LPP: variants seen among roughly 807,000 people sequenced by gnomAD.
The protein encoded by LPP is lipoma-preferred partner.
Under a neutral mutation model 60.4 loss-of-function variants are expected in LPP, and 38 were observed. That is an observed-to-expected ratio of 0.63 (90% CI 0.49 to 0.83). The LOEUF (loss-of-function observed/expected upper bound fraction) is 0.83. LPP is among the 40% of genes least tolerant of loss of function. The probability of loss-of-function intolerance (pLI) is 0.00; values close to 1 mark genes in which losing one functional copy is unlikely to be tolerated. For synonymous variants in LPP, 328 were observed against 290.8 expected, an observed-to-expected ratio of 1.13 and a Z score of -1.30; for missense variants, 902 against 783.6, an observed-to-expected ratio of 1.15 and a Z score of -1.80.
chr3:188,382,149 C>A (rs887460828), intron 3 of LPP, among the ~76,000 whole-genome samples: 1 of 152,162 alleles, frequency 6.6e-6, no homozygotes, highest in Non-Finnish European at 1.5e-5. Flanking sequence ...CGGTTTGGCA[C>A]CCAGTTCATA....
At chr3:188,221,061 A>C (rs1383839849) in intron 1 of LPP, among the ~76,000 whole-genome samples, 1 of 152,186 alleles carries the variant, frequency 6.6e-6, no homozygotes, top group Non-Finnish European at 1.5e-5. Flanking sequence ...CATGAGATAC[A>C]AGGTCTTCCA....
chr3:188,184,465 A>G (rs949203846), intron 1 of LPP, among the ~76,000 whole-genome samples: 1 of 152,208 alleles, frequency 6.6e-6, no homozygotes, highest in Non-Finnish European at 1.5e-5. Flanking sequence ...CGAAGGATGC[A>G]TTCAATGAAC....
chr3:188,622,056 A>T (rs1372405370), intron 7 of LPP, among the ~76,000 whole-genome samples: 3 of 152,192 alleles, frequency 2.0e-5, no homozygotes, highest in African/African-American at 7.2e-5. Context: ...TTCTATTTCT[A>T]TGATGAAATC....
chr3:188,365,369 T>C (rs1180489278), intron 3 of LPP, among the ~76,000 whole-genome samples: 1 of 152,226 alleles, frequency 6.6e-6, no homozygotes, highest in African/African-American at 2.4e-5. Flanking sequence ...ATGTGGTGAA[T>C]GTGTTTCCAC....
chr3:188,618,306 T>C (rs1295078875), intron 7 of LPP, among the ~76,000 whole-genome samples: 3 of 152,214 alleles, frequency 2.0e-5, no homozygotes, highest in Non-Finnish European at 2.9e-5. Context: ...TTTCAGAAGG[T>C]TGCTTCCTTA....
At chr3:188,821,636 A>G (rs1426567728) in intron 9 of LPP, among the ~76,000 whole-genome samples, 2 of 152,110 alleles carry the variant, frequency 1.3e-5, no homozygotes, top group Non-Finnish European at 2.9e-5. Context: ...ATTCATTTAT[A>G]TATTAGACAC....
intron 6 of LPP, among the ~76,000 whole-genome samples, chr3:188,602,095 C>CATAT (rs1841327369): frequency 1.4e-5 from 2 of 138,344 alleles, no homozygotes; most frequent in Non-Finnish European, 3.1e-5. Context: ...TATATACACA[C>CATAT]ACATATACAT....
intron 7 of LPP, among the ~76,000 whole-genome samples, chr3:188,634,057 G>C (rs1029151218): frequency 6.6e-6 from 1 of 152,176 alleles, no homozygotes; most frequent in South Asian, 2.1e-4. Flanking sequence ...AAGTCTGCAT[G>C]AAAATATTCC....
At chr3:188,505,325 C>A (rs1813142772) in intron 5 of LPP, among the ~76,000 whole-genome samples, 1 of 152,104 alleles carries the variant, frequency 6.6e-6, no homozygotes, top group Non-Finnish European at 1.5e-5. Flanking sequence ...GCAACTATTC[C>A]TTTTCTCCCT....
At chr3:188,469,630 A>G (rs887069524) in intron 4 of LPP, among the ~76,000 whole-genome samples, 10 of 152,128 alleles carry the variant, frequency 6.6e-5, no homozygotes, top group Middle Eastern at 3.4e-3. Context: ...GGAGAACACA[A>G]TATTTGTTTA....
intron 2 of LPP, among the ~76,000 whole-genome samples, chr3:188,252,353 T>G (rs1730147621): frequency 8.9e-6 from 1 of 112,456 alleles, no homozygotes; most frequent in African/African-American, 3.3e-5. Flanking sequence ...TCCCCCTTCT[T>G]CCGTTTTTTT....
At chr3:188,456,661 G>A (rs1210507182) in intron 4 of LPP, among the ~76,000 whole-genome samples, 1 of 152,208 alleles carries the variant, frequency 6.6e-6, no homozygotes, top group African/African-American at 2.4e-5. Context: ...TGATGGCAGA[G>A]TCAACCTCGG....
intron 6 of LPP, chr3:188,568,555 A>G (rs2150799963): frequency 6.6e-6 from 1 of 152,078 alleles, no homozygotes; most frequent in East Asian, 1.9e-4. Flanking sequence ...ATTTGGTGCT[A>G]TAGACCAGTA....
At chr3:188,227,564 T>C (rs1718282839) in intron 2 of LPP, among the ~76,000 whole-genome samples, 1 of 151,908 alleles carries the variant, frequency 6.6e-6, no homozygotes, top group Non-Finnish European at 1.5e-5. Flanking sequence ...ACAAAGTGAG[T>C]GGGTGATTCT....
chr3:188,462,540 A>G (rs1799207675), intron 4 of LPP, among the ~76,000 whole-genome samples: 1 of 79,770 alleles, frequency 1.3e-5, no homozygotes, highest in African/African-American at 4.9e-5. Flanking sequence ...AATTTATATG[A>G]GCTTTATATA....
At chr3:188,184,172 T>C (rs539165278) in intron 1 of LPP, among the ~76,000 whole-genome samples, 21 of 152,268 alleles carry the variant, frequency 1.4e-4, no homozygotes, top group African/African-American at 4.1e-4. Flanking sequence ...AGCAATAAAA[T>C]GTACTTTGGG....
At chr3:188,753,805 A>G (rs1729039262) in intron 8 of LPP, among the ~76,000 whole-genome samples, 1 of 151,858 alleles carries the variant, frequency 6.6e-6, no homozygotes, top group African/African-American at 2.4e-5. Context: ...GTATTTGTAG[A>G]GGGAAAAACA....
chr3:188,872,583 C>A lies in LPP; in HGVS notation c.1590-60C>A, dbSNP rs1768398172. On this transcript the variant is annotated intron_variant, in intron 10 of 11. Transcript: ENST00000617246. ...CAGTTTCCACCTCTTCCTTTTACCT[C>A]TGCGTCCCACCTCAGTGTCGACGCG... The A allele has an allele frequency of 3.1e-6, 5 of 1,603,946 alleles. No individual in the cohort carries two copies. The East Asian group carries it at 1.1e-4, about 36-fold the overall frequency.
chr3:188,422,405 C>T (rs1431159592), intron 4 of LPP, among the ~76,000 whole-genome samples: 2 of 152,074 alleles, frequency 1.3e-5, no homozygotes, highest in Non-Finnish European at 2.9e-5. Flanking sequence ...TAAATGCCTG[C>T]CTTTTGCTTT....
Sources: allele counts gnomAD v4.1 joint callset (sites outside exome capture counted in the v4.1 genomes callset), GRCh38; gene constraint gnomAD v4.1.1; transcripts MANE v1.5; gene names NCBI Gene and HGNC (gene_info 2026-07-23, HGNC 2026-07-21).